The following RPH3AL variants were observed in gnomAD, a reference collection of about 807,000 sequenced individuals.
The protein encoded by RPH3AL is rab effector Noc2.
In RPH3AL, 38 loss-of-function variants were observed where a neutral mutation model predicts 43.1. That is an observed-to-expected ratio of 0.88 (90% CI 0.68 to 1.15). RPH3AL has a LOEUF of 1.15. Among genes scored for constraint, RPH3AL ranks in the 50% most tolerant of loss-of-function variants. The pLI is 0.00. For missense variants in RPH3AL, 462 were observed against 423.2 expected (o/e 1.09, Z -0.81); for synonymous variants, 189 against 176.3 (o/e 1.07, Z -0.57).
intron 1 of RPH3AL, among the ~76,000 whole-genome samples, chr17:352,143 A>G (rs919657475): frequency 6.6e-6 from 1 of 152,000 alleles, no homozygotes; most frequent in African/African-American, 2.4e-5. Context: ...TTATCTGGGG[A>G]CTTGTCACCA....
chr17:282,737 C>T (rs35035943), intron 5 of RPH3AL, among the ~76,000 whole-genome samples: 3,623 of 152,306 alleles, frequency 0.024, 76 homozygotes, highest in Middle Eastern at 0.048. Flanking sequence ...ATGGTATAGC[C>T]GGCTGCACAC....
intron 6 of RPH3AL, among the ~76,000 whole-genome samples, chr17:262,318 A>G (rs782314761): frequency 2.6e-5 from 4 of 152,064 alleles, no homozygotes; most frequent in Non-Finnish European, 4.4e-5. Context: ...TCCCGGGTTC[A>G]AGCAATTCTG....
At chr17:239,622 T>G (rs1486961724) in intron 7 of RPH3AL, among the ~76,000 whole-genome samples, 1 of 152,014 alleles carries the variant, frequency 6.6e-6, no homozygotes, top group Non-Finnish European at 1.5e-5. Context: ...CGATTCTGTT[T>G]TGTTTTGTTT....
At chr17:331,859 G>C in intron 2 of RPH3AL, 1 of 1,289,170 alleles carries the variant, frequency 7.8e-7, no homozygotes, top group South Asian at 1.2e-5. Flanking sequence ...CTGCGCCCTT[G>C]TACTCAGGTA....
Position 213,812 on chromosome 17 carries a change from G to C in RPH3AL, c.*40C>G, listed in dbSNP as rs781502871. The C allele has an allele frequency of 6.4e-7, 1 of 1,557,174 alleles. No individual in the cohort carries two copies. Among genetic ancestry groups the C allele is most frequent in the Admixed American group, 1.7e-5 (1 of 59,798 alleles). ...GGAGGAGCCGGGCAGGGTCTGGCAGGAATCCTCCACAGGGAAGTCTGTTCC... is the reference window on the plus strand; with the variant it reads ...GGAGGAGCCGGGCAGGGTCTGGCAGCAATCCTCCACAGGGAAGTCTGTTCC... On this transcript the variant is annotated 3_prime_UTR_variant, in exon 10 of 10. Transcript: ENST00000331302.
intron 6 of RPH3AL, among the ~76,000 whole-genome samples, chr17:272,160 A>C (rs1476604824): frequency 2.6e-5 from 4 of 152,198 alleles, no homozygotes; most frequent in African/African-American, 9.6e-5. Flanking sequence ...TGTTGGGGGA[A>C]TGTAAACTAG....
intron 5 of RPH3AL, among the ~76,000 whole-genome samples, chr17:300,178 A>C (rs12943697): frequency 5.7e-4 from 23 of 40,626 alleles, no homozygotes; most frequent in African/African-American, 1.9e-3. Flanking sequence ...CCCACTCTAG[A>C]AGGGGCTGGC....
chr17:335,328 C>A (rs939024373), intron 1 of RPH3AL, among the ~76,000 whole-genome samples: 1 of 152,024 alleles, frequency 6.6e-6, no homozygotes, highest in African/African-American at 2.4e-5. Flanking sequence ...CCTAGGACAC[C>A]CACGTGCGAA....
chr17:326,157 G>C (rs771835265), intron 3 of RPH3AL, among the ~76,000 whole-genome samples: 1 of 152,238 alleles, frequency 6.6e-6, no homozygotes, highest in Non-Finnish European at 1.5e-5. Context: ...AGAGGGAGAC[G>C]GACCGACCTC....
In RPH3AL at chr17:245,623, G is replaced by A. The variant is rs1393271628; in HGVS notation, c.613+1488C>T. Among the ~76,000 whole-genome samples, 2 of 152,112 alleles carry A rather than the reference G, an allele frequency of 1.3e-5. No homozygotes were observed. Among genetic ancestry groups the A allele is most frequent in the Non-Finnish European group, 2.9e-5 (2 of 68,028 alleles). ...ATTTTAAACCCACAGGTGTCCACCAGCTTCTGCTCCCACTGTCTGAGGGAC... is the reference window on the plus strand; with the variant it reads ...ATTTTAAACCCACAGGTGTCCACCAACTTCTGCTCCCACTGTCTGAGGGAC... On this transcript the variant is annotated intron_variant, in intron 7 of 9. Coordinates refer to ENST00000331302, the MANE Select transcript of RPH3AL (RefSeq NM_006987.4). This position sits in a 1 kb window ranked among gnomAD's most constrained non-coding sequence, Gnocchi z 5.9.
At chr17:227,555 C>A (rs1352476634) in intron 7 of RPH3AL, among the ~76,000 whole-genome samples, 2 of 152,182 alleles carry the variant, frequency 1.3e-5, no homozygotes, top group Non-Finnish European at 2.9e-5. Flanking sequence ...GGCTTCACTA[C>A]AAAAACACAG....
chr17:329,404 A>T (rs2151711644), intron 2 of RPH3AL, among the ~76,000 whole-genome samples: 1 of 152,270 alleles, frequency 6.6e-6, no homozygotes, highest in South Asian at 2.1e-4. Context: ...TGAACCCTGG[A>T]GGTGGAGGTT....
chr17:283,081 G>A lies in RPH3AL; in HGVS notation c.352-1227C>T, dbSNP rs914301731. 2.9e-4 allele frequency among the ~76,000 whole-genome samples: 44 copies of A among 152,246 alleles called. No homozygotes were observed. The highest frequency in any genetic ancestry group is 8.7e-4 in the African/African-American group (36 of 41,550). On this transcript the variant is annotated intron_variant, in intron 5 of 9. Coordinates refer to ENST00000331302, the MANE Select transcript of RPH3AL (RefSeq NM_006987.4). The surrounding 1 kb of genome is among the most constrained non-coding windows in gnomAD (Gnocchi z 4.2). ...AGAGTCTGATTCAGCGATCGCTGGCGACTCCTCAGGACTGTTGCCCCAGCT... is the reference window on the plus strand; with the variant it reads ...AGAGTCTGATTCAGCGATCGCTGGCAACTCCTCAGGACTGTTGCCCCAGCT...
At chr17:235,294 C>A in intron 7 of RPH3AL, among the ~76,000 whole-genome samples, 1 of 145,398 alleles carries the variant, frequency 6.9e-6, no homozygotes, top group East Asian at 2.1e-4. Flanking sequence ...ACTAACAAGA[C>A]GGGTCCCGGG....
chr17:350,527 C>T (rs941395091), intron 1 of RPH3AL, among the ~76,000 whole-genome samples: 8 of 152,176 alleles, frequency 5.3e-5, no homozygotes, highest in Non-Finnish European at 7.3e-5. Flanking sequence ...AGGGGAATCG[C>T]TTGAACCGAG....
chr17:279,385 G>A (rs902225031), intron 6 of RPH3AL, among the ~76,000 whole-genome samples: 1 of 152,126 alleles, frequency 6.6e-6, no homozygotes, highest in African/African-American at 2.4e-5. Context: ...TCTTTTAGAG[G>A]CTAAGTTTTA....
chr17:278,947 T>TA (rs1428969609), intron 6 of RPH3AL, among the ~76,000 whole-genome samples: 2 of 152,078 alleles, frequency 1.3e-5, no homozygotes, highest in Non-Finnish European at 2.9e-5. Context: ...AAAAAATACT[T>TA]ACAATTACAG....
chr17:299,732 C>G (rs567438205), intron 5 of RPH3AL, among the ~76,000 whole-genome samples: 1 of 152,366 alleles, frequency 6.6e-6, no homozygotes, highest in South Asian at 2.1e-4. Flanking sequence ...CGCCGGACTG[C>G]AAATGTCATT....
rs1050846149 is a variant in RPH3AL at position 323,293 on chromosome 17, A to G, written c.78-1878T>C. On this transcript the variant is annotated intron_variant, in intron 3 of 9. Transcript: ENST00000331302. This position sits in a 1 kb window ranked among gnomAD's most constrained non-coding sequence, Gnocchi z 4.4. The stretch of plus-strand genomic sequence containing the variant: ...AAAAAAACTGCAATGCCCTAGACCA[A>G]CGCTTTCCAAGCAGTGCTCACGGTG... Among the ~76,000 whole-genome samples the G allele has an allele frequency of 3.3e-5, 5 of 151,832 alleles. No homozygotes were observed. Among genetic ancestry groups the G allele is most frequent in the African/African-American group, 4.8e-5 (2 of 41,314 alleles).
Sources: allele counts gnomAD v4.1 joint callset (sites outside exome capture counted in the v4.1 genomes callset), GRCh38; gene constraint gnomAD v4.1.1; non-coding constraint Gnocchi (gnomAD v3.1); transcripts MANE v1.5; gene names NCBI Gene and HGNC (gene_info 2026-07-23, HGNC 2026-07-21).